ERCC2: variants seen among roughly 807,000 people sequenced by gnomAD.
ERCC2 encodes the protein general transcription and DNA repair factor IIH helicase subunit XPD.
Under a neutral mutation model 99.4 loss-of-function variants are expected in ERCC2, and 90 were observed. That is an observed-to-expected ratio of 0.91 (90% CI 0.76 to 1.08). ERCC2 has a LOEUF of 1.08. ERCC2 is among the 50% of genes least tolerant of loss of function. The probability of loss-of-function intolerance (pLI) is 0.00; values close to 1 mark genes in which losing one functional copy is unlikely to be tolerated. For synonymous variants in ERCC2, 497 were observed against 432.4 expected (o/e 1.15, Z -1.85); for missense variants, 993 against 1,038.1 (o/e 0.96, Z 0.60).
intron 11 of ERCC2, among the ~76,000 whole-genome samples, chr19:45,362,835 C>T (rs1226210760): frequency 6.6e-6 from 1 of 152,246 alleles, no homozygotes; most frequent in Non-Finnish European, 1.5e-5. Context: ...TTGGAGCCCA[C>T]AGGCATGGCT....
rs556547321 is a variant in ERCC2 at position 45,363,772 on chromosome 19, C to T, written c.1089G>A (p.Gln363=). 9 of 1,537,308 alleles carry T rather than the reference C, an allele frequency of 5.9e-6. No homozygotes were observed. The African/African-American group carries it at 9.6e-5, about 16-fold the overall frequency. The change falls in exon 11 of 23, where the codon CAG becomes CAA. Residue 363 remains glutamine (Q), a synonymous_variant. Transcript: ENST00000391945. ...GGGGCTTGCGCTGGATGCACACGCGCTGGGCCAGGCCGCTCAGGAAGGCGG... is the reference window on the plus strand; with the variant it reads ...GGGGCTTGCGCTGGATGCACACGCGTTGGGCCAGGCCGCTCAGGAAGGCGG... ...SPPAFLSGLA[Q]RVCIQRKPLR... is the part of the protein sequence containing the mutation.
At chr19:45,366,257 C>G (rs1972422641) in intron 5 of ERCC2, among the ~76,000 whole-genome samples, 1 of 152,186 alleles carries the variant, frequency 6.6e-6, no homozygotes, top group South Asian at 2.1e-4. Context: ...ATTCTCCTGT[C>G]TCAGCCTCCC....
At chr19:45,355,181 A>G (rs1478120579) in intron 16 of ERCC2, among the ~76,000 whole-genome samples, 1 of 152,164 alleles carries the variant, frequency 6.6e-6, no homozygotes, top group Admixed American at 6.5e-5. Flanking sequence ...ACATGGCGAA[A>G]CCCCATCTCT....
Position 45,369,060 on chromosome 19 carries a change from C to T in ERCC2, c.183+10G>A, listed in dbSNP as rs761395869. The T allele has an allele frequency of 1.9e-6, 3 of 1,613,990 alleles. No homozygotes were observed. The highest frequency in any genetic ancestry group is 8.5e-7 in the Non-Finnish European group (1 of 1,179,952). On this transcript the variant is annotated intron_variant, in intron 3 of 22. Coordinates refer to ENST00000391945, the MANE Select transcript of ERCC2 (RefSeq NM_000400.4). ...TTTGTCTGCCTTTACGGGTTCAGCG[C>T]ATCACTCACTCTCTGGTATGCCATG... is the stretch of plus-strand genomic sequence containing the variant.
chr19:45,368,772 C>T, intron 4 of ERCC2, 29 bp from the exon 5 acceptor site: 1 of 1,578,944 alleles, frequency 6.3e-7, no homozygotes, highest in Non-Finnish European at 8.7e-7. Context: ...GCAGGGGGAG[C>T]TTGTGCTCAT....
chr19:45,355,901 C>T (rs1433931595), intron 15 of ERCC2, among the ~76,000 whole-genome samples, 173 bp from the exon 16 acceptor site: 4 of 151,832 alleles, frequency 2.6e-5, no homozygotes, highest in Non-Finnish European at 5.9e-5. Context: ...GTGACCATCC[C>T]GCCTTGGCCT....
Position 45,351,632 on chromosome 19 carries a change from G to A in ERCC2, c.2280C>T (p.Leu760=). Residue 760 remains leucine (L), a synonymous_variant, in exon 23 of 23, where the codon CTC becomes CTT. Coordinates refer to ENST00000391945, the MANE Select transcript of ERCC2 (RefSeq NM_000400.4). ...TTTATGGCCCCACCCGCCCCACTCA[G>A]AGCTGCTGAGCAATCTGCTCTATCC... ...LKRIEQIAQQ[L] is the part of the protein sequence containing the mutation. 6.2e-7 allele frequency: 1 copy of A among 1,613,984 alleles called. No homozygotes were observed. The highest frequency in any genetic ancestry group is 8.5e-7 in the Non-Finnish European group (1 of 1,179,972).
intron 12 of ERCC2, chr19:45,358,735 G>T: frequency 1.4e-6 from 1 of 722,864 alleles, no homozygotes; most frequent in South Asian, 1.5e-5. Flanking sequence ...TTTCTACGCA[G>T]ACATATTCCA....
rs754313108 is a variant in ERCC2, at chr19:45,352,232, G to A, written c.2167C>T (p.Gln723Ter). The change falls in exon 22 of 23, where the codon CAG becomes TAG. Residue 723 changes from glutamine to a stop codon, truncating the protein, a stop_gained. Transcript: ENST00000391945. LOFTEE classifies it high-confidence loss of function. ...ACCCGGTGGAAGGGCTGTGCCATCTGCCGCAGGAAGTACTTGGCCACCTGG... is the reference window on the plus strand; with the variant it reads ...ACCCGGTGGAAGGGCTGTGCCATCTACCGCAGGAAGTACTTGGCCACCTGG... ...GVQVAKYFLR[Q>*]MAQPFHREDQ... is the part of the protein sequence containing the mutation. 4.3e-6 allele frequency: 7 copies of A among 1,613,930 alleles called. No individual in the cohort carries two copies. Among genetic ancestry groups the A allele is most frequent in the Non-Finnish European group, 3.4e-6 (4 of 1,180,010 alleles).
intron 11 of ERCC2, among the ~76,000 whole-genome samples, chr19:45,363,300 A>G (rs1972290520): frequency 1.3e-5 from 2 of 152,008 alleles, no homozygotes; most frequent in South Asian, 4.1e-4. Context: ...CACCTCCTCC[A>G]GCTCCCAGCC....
intron 15 of ERCC2, among the ~76,000 whole-genome samples, chr19:45,356,645 A>T (rs1972023173): frequency 6.6e-6 from 1 of 152,180 alleles, no homozygotes; most frequent in Non-Finnish European, 1.5e-5. Flanking sequence ...CCCCGTCTCT[A>T]CTAAAATTAC....
At chr19:45,361,479 C>T (rs1166019878) in intron 12 of ERCC2, 45 bp downstream of exon 12, 2 of 1,378,752 alleles carry the variant, frequency 1.5e-6, no homozygotes, top group Non-Finnish European at 2.1e-6. Flanking sequence ...GACCCTGATT[C>T]CAGCTGCTAG....
At chr19:45,361,663 G>C (rs1972225083) in intron 11 of ERCC2, 21 bp from the exon 12 acceptor site, 2 of 1,560,480 alleles carry the variant, frequency 1.3e-6, no homozygotes, top group Non-Finnish European at 1.8e-6. Context: ...GGAGAGACGG[G>C]GTCGGGGGGC....
At chr19:45,361,440 C>T (rs575881421) in intron 12 of ERCC2, 84 bp downstream of exon 12, 4 of 990,208 alleles carry the variant, frequency 4.0e-6, no homozygotes, top group Non-Finnish European at 6.5e-6. Flanking sequence ...CCCTGTGTGT[C>T]CTGCCAACAA....
Position 45,364,026 on chromosome 19 carries a change from G to T in ERCC2, c.909C>A (p.Ala303=), listed in dbSNP as rs1179345395. Residue 303 remains alanine (A), a synonymous_variant, in exon 10 of 23, where the codon GCC becomes GCA. Coordinates refer to ENST00000391945, the MANE Select transcript of ERCC2 (RefSeq NM_000400.4). ...REASAARETD[A]HLANPVLPDE... Reference sequence around the variant, plus strand: ...CGGGCAGCACGGGGTTGGCCAGGTGGGCGTCCGTCTCCCGGGCGGCGCTGG... The same window carrying T: ...CGGGCAGCACGGGGTTGGCCAGGTGTGCGTCCGTCTCCCGGGCGGCGCTGG... 8.4e-6 allele frequency: 13 copies of T among 1,553,140 alleles called. No homozygotes were observed. The highest frequency in any genetic ancestry group is 9.6e-6 in the Non-Finnish European group (11 of 1,150,060).
rs1404518952 is a variant in ERCC2 at position 45,364,960 on chromosome 19, A to T, written c.478-6T>A. On this transcript the variant is annotated splice_polypyrimidine_tract_variant and splice_region_variant and intron_variant, in intron 6 of 22. Coordinates refer to ENST00000391945, the MANE Select transcript of ERCC2 (RefSeq NM_000400.4). Reference sequence around the variant, plus strand: ...CGCCCATGGGCATCAAATTCCTGGGACAAGAGTGCCAGGGGTCAGGGAGGC... The same window carrying T: ...CGCCCATGGGCATCAAATTCCTGGGTCAAGAGTGCCAGGGGTCAGGGAGGC... 6.2e-7 allele frequency: 1 copy of T among 1,613,480 alleles called. No homozygotes were observed.
At chr19:45,355,813 GCTTT>G in intron 15 of ERCC2, 85 bp from the exon 16 acceptor site, 1 of 827,046 alleles carries the variant, frequency 1.2e-6, no homozygotes, top group Non-Finnish European at 1.9e-6. Flanking sequence ...GCTGTTCTAA[GCTTT>G]TTTTTTTTTT....
chr19:45,360,435 T>C (rs1419900583), intron 12 of ERCC2, among the ~76,000 whole-genome samples: 1 of 149,828 alleles, frequency 6.7e-6, no homozygotes, highest in Non-Finnish European at 1.5e-5. Context: ...TGGAGTGCAG[T>C]GCCACAATCT....
Position 45,352,667 on chromosome 19 carries a change from G to A in ERCC2, c.1903-18C>T, listed in dbSNP as rs1471752372. On this transcript the variant is annotated intron_variant, in intron 20 of 22. Coordinates refer to ENST00000391945, the MANE Select transcript of ERCC2 (RefSeq NM_000400.4). ...AGCCGCGCCTGCAGATACGGAGGAT[G>A]AGAAGCTGGGGAGGTGGGGGAGCCA... The A allele has an allele frequency of 3.1e-6, 5 of 1,614,020 alleles. No homozygotes were observed. Among genetic ancestry groups the A allele is most frequent in the South Asian group, 2.2e-5 (2 of 91,084 alleles).
Sources: allele counts gnomAD v4.1 joint callset (sites outside exome capture counted in the v4.1 genomes callset), GRCh38; gene constraint gnomAD v4.1.1; transcripts MANE v1.5; gene names NCBI Gene and HGNC (gene_info 2026-07-23, HGNC 2026-07-21).